Variants in CEP295 observed in about 807,000 individuals in gnomAD.
CEP295 encodes the protein centrosomal protein 295, also known as centrosomal protein of 295 kDa.
A neutral mutation model predicts 291.6 loss-of-function variants in CEP295; 190 were observed. The ratio of observed to expected loss-of-function variants is 0.65; its 90% confidence interval spans 0.58 to 0.73. CEP295 has a LOEUF of 0.73. CEP295 is among the 30% of genes least tolerant of loss of function. CEP295 has a pLI of 0.00. For synonymous variants in CEP295, 993 were observed against 1,038.8 expected, an observed-to-expected ratio of 0.96 and a Z score of 0.85; for missense variants, 2,863 against 2,949.4, an observed-to-expected ratio of 0.97 and a Z score of 0.68.
rs1313426660 is a variant in CEP295, at chr11:93,699,953, C to A, written c.5041C>A (p.Pro1681Thr). 1 of 1,551,720 alleles carries A rather than the reference C, an allele frequency of 6.4e-7. No homozygotes were observed. The highest frequency in any genetic ancestry group is 8.7e-7 in the Non-Finnish European group (1 of 1,146,998). ...TTCATCCCAGAATGAACATGCAGCC[C>A]CCCCAAGTAATCCTGTGATCCCAGG... ...LYSSQNEHAA[P>T]PSNPVIPGFQ... Residue 1681 changes from proline (P) to threonine (T), a missense_variant, in exon 15 of 30, where the codon CCC (proline) becomes ACC (threonine). Around this residue, in one of 3 missense-constraint regions of CEP295, gnomAD observed 2,295 missense variants for 2,335.7 expected, o/e 0.98. Coordinates refer to ENST00000325212, the MANE Select transcript of CEP295 (RefSeq NM_033395.2).
chr11:93,701,128 G>T (rs1224484820), intron 15 of CEP295, among the ~76,000 whole-genome samples: 1 of 152,154 alleles, frequency 6.6e-6, no homozygotes, highest in African/African-American at 2.4e-5. Flanking sequence ...ACTTTGAGAG[G>T]CCGTGGCAGG....
intron 18 of CEP295, among the ~76,000 whole-genome samples, chr11:93,711,798 A>G (rs1162243035): frequency 6.7e-6 from 1 of 150,166 alleles, no homozygotes. Context: ...GGCTTGAGCC[A>G]CCACTCCTGG....
intron 18 of CEP295, among the ~76,000 whole-genome samples, chr11:93,710,209 A>AG (rs202016142): frequency 0.019 from 2,897 of 152,250 alleles, 93 homozygotes; most frequent in African/African-American, 0.067. Flanking sequence ...CTTGTGTTTC[A>AG]GATCTTAGAG....
chr11:93,673,082 G>A (rs756582065), intron 5 of CEP295, among the ~76,000 whole-genome samples: 1 of 152,180 alleles, frequency 6.6e-6, no homozygotes, highest in Non-Finnish European at 1.5e-5. Context: ...TCTTCGTAGA[G>A]TGAAGCATTC....
At chr11:93,721,273 A>G (rs1420245887) in intron 18 of CEP295, 39 bp from the exon 19 acceptor site, 1 of 1,167,100 alleles carries the variant, frequency 8.6e-7, no homozygotes, top group Non-Finnish European at 1.3e-6. Context: ...TCCCAACTAT[A>G]TTTTTCTCCC....
At chr11:93,690,268 G>A (rs1277004237) in intron 10 of CEP295, among the ~76,000 whole-genome samples, 18 of 151,894 alleles carry the variant, frequency 1.2e-4, no homozygotes, top group East Asian at 1.9e-4. Context: ...AAGATTAGCC[G>A]TGCATGGGCT....
At chr11:93,669,545 C>G (rs1248856990) in intron 4 of CEP295, 132 bp from the exon 5 acceptor site, 3 of 567,212 alleles carry the variant, frequency 5.3e-6, no homozygotes, top group Non-Finnish European at 9.4e-6. Context: ...ACTCTTTACA[C>G]ATGTAAAGCT....
chr11:93,699,969 T>G lies in CEP295; in HGVS notation c.5057T>G (p.Val1686Gly). The G allele has an allele frequency of 6.4e-7, 1 of 1,551,748 alleles. No homozygotes were observed. Among genetic ancestry groups the G allele is most frequent in the Non-Finnish European group, 8.7e-7 (1 of 1,146,988 alleles). The change falls in exon 15 of 30, where the codon GTG (valine) becomes GGG (glycine). Residue 1686 changes from valine to glycine, a missense_variant. Coordinates refer to ENST00000325212, the MANE Select transcript of CEP295 (RefSeq NM_033395.2). ...NEHAAPPSNP[V>G]IPGFQDRLLS... Reference sequence around the variant, plus strand: ...CATGCAGCCCCCCCAAGTAATCCTGTGATCCCAGGGTTTCAAGATAGACTT... The same window carrying G: ...CATGCAGCCCCCCCAAGTAATCCTGGGATCCCAGGGTTTCAAGATAGACTT...
intron 17 of CEP295, among the ~76,000 whole-genome samples, chr11:93,703,981 G>A (rs895774506): frequency 1.1e-4 from 16 of 151,882 alleles, no homozygotes; most frequent in Non-Finnish European, 2.4e-4. Flanking sequence ...GTGTTTGCCA[G>A]GATGGTCTCC....
Position 93,730,277 on chromosome 11 carries a change from G to A in CEP295, c.*8G>A, listed in dbSNP as rs1249426908. ...GCCAAAAATACATGCTGACTTTCTA[G>A]AAATAGTGTAAAGGTTTTTTAATTG... On this transcript the variant is annotated 3_prime_UTR_variant, in exon 30 of 30. Transcript: ENST00000325212. 4 of 1,534,264 alleles carry A rather than the reference G, an allele frequency of 2.6e-6. No homozygotes were observed. Among genetic ancestry groups the A allele is most frequent in the South Asian group, 2.4e-5 (2 of 83,736 alleles).
intron 5 of CEP295, among the ~76,000 whole-genome samples, chr11:93,672,277 A>G (rs1950488905): frequency 1.3e-5 from 2 of 152,224 alleles, no homozygotes; most frequent in Admixed American, 6.5e-5. Context: ...AGGAATGTAA[A>G]CAACCATAAT....
At position 93,723,871 on chromosome 11, in the gene CEP295, G is replaced by A. The variant is rs568497720; in HGVS notation, c.6197-383G>A. Reference sequence around the variant, plus strand: ...CAAAAGTTTGTTCATACCTGTAATCGTAGCACTTTGGGAGGCTGAGGCAGG... The same window carrying A: ...CAAAAGTTTGTTCATACCTGTAATCATAGCACTTTGGGAGGCTGAGGCAGG... On this transcript the variant is annotated intron_variant, in intron 21 of 29. Transcript: ENST00000325212. 82 of 161,750 alleles carry A rather than the reference G, an allele frequency of 5.1e-4. 1 individual carries two copies. The highest frequency in any genetic ancestry group is 2.7e-3 in the South Asian group (15 of 5,594). The allele number at this position is 161,750 out of a possible 1,614,324, so 10.0% of individuals were successfully genotyped here.
chr11:93,667,921 C>A, intron 3 of CEP295, 114 bp downstream of exon 3: 3 of 721,334 alleles, frequency 4.2e-6, no homozygotes, highest in Non-Finnish European at 4.5e-6. Context: ...TTCTTTGGGG[C>A]AGCTTGAACT....
intron 5 of CEP295, 119 bp downstream of exon 5, chr11:93,669,889 A>G (rs939508042): frequency 1.6e-6 from 1 of 633,878 alleles, no homozygotes. Context: ...ACAATTAAAA[A>G]CTTGTACAGG....
intron 9 of CEP295, among the ~76,000 whole-genome samples, 169 bp downstream of exon 9, chr11:93,684,297 T>G (rs951961810): frequency 1.3e-5 from 2 of 152,222 alleles, no homozygotes; most frequent in African/African-American, 2.4e-5. Flanking sequence ...TCATTGACGA[T>G]CCTTTTTCAT....
chr11:93,686,468 T>A (rs1177040447), intron 9 of CEP295, among the ~76,000 whole-genome samples: 2 of 152,244 alleles, frequency 1.3e-5, no homozygotes, highest in Non-Finnish European at 2.9e-5. Flanking sequence ...TTTGGTCTTA[T>A]TGGCTTGGTG....
Position 93,675,557 on chromosome 11 carries a change from G to T in CEP295, c.529-14G>T, listed in dbSNP as rs1193328599. 1 of 1,365,198 alleles carries T rather than the reference G, an allele frequency of 7.3e-7. No individual in the cohort carries two copies. 84.6% of individuals were successfully genotyped at this position (1,365,198 alleles called of 1,614,324 possible). ...TAATGCTTTTAACCTATTTTTTTATGTTCTCTTTTCCAGAACATCGAAGTA... is the reference window on the plus strand; with the variant it reads ...TAATGCTTTTAACCTATTTTTTTATTTTCTCTTTTCCAGAACATCGAAGTA... On this transcript the variant is annotated splice_polypyrimidine_tract_variant and intron_variant, in intron 5 of 29. Transcript: ENST00000325212.
chr11:93,682,608 C>A (rs1003367630), intron 7 of CEP295, among the ~76,000 whole-genome samples: 13 of 151,938 alleles, frequency 8.6e-5, no homozygotes, highest in Middle Eastern at 3.4e-3. Flanking sequence ...AAAAAAAAAA[C>A]CGTGCAATCT....
At position 93,725,870 on chromosome 11, in the gene CEP295, G is replaced by T. The variant is rs758848831; in HGVS notation, c.6499+39G>T. ...AGTTAGAAAAAGTTAATTTTTCCATGATTTTTTACATCCATTTCCTTAGAA... is the reference window on the plus strand; with the variant it reads ...AGTTAGAAAAAGTTAATTTTTCCATTATTTTTTACATCCATTTCCTTAGAA... On this transcript the variant is annotated intron_variant, in intron 23 of 29. Coordinates refer to ENST00000325212, the MANE Select transcript of CEP295 (RefSeq NM_033395.2). The T allele has an allele frequency of 6.3e-5, 95 of 1,497,244 alleles. No individual in the cohort carries two copies. In the East Asian group the frequency reaches 2.2e-3, roughly 34 times the overall value. 92.7% of individuals were successfully genotyped at this position (1,497,244 alleles called of 1,614,324 possible). A position where few individuals can be genotyped will look rare whatever the true frequency, so the allele number is the denominator to read the frequency against.
Sources: allele counts gnomAD v4.1 joint callset (sites outside exome capture counted in the v4.1 genomes callset), GRCh38; gene constraint gnomAD v4.1.1; regional missense constraint gnomAD v4.1.1; transcripts MANE v1.5; gene names NCBI Gene and HGNC (gene_info 2026-07-23, HGNC 2026-07-21).